PCF11: variants seen among roughly 807,000 people sequenced by gnomAD.
PCF11 encodes pre-mRNA cleavage complex 2 protein Pcf11.
PCF11 carries 19 observed loss-of-function variants against 166.1 expected under a neutral mutation model. That is an observed-to-expected ratio of 0.11 (90% CI 0.08 to 0.17). The LOEUF is 0.17. Ranked by LOEUF, PCF11 falls within the 10% of genes least tolerant of loss-of-function variation. The pLI is 1.00. For missense variants in PCF11, 1,565 were observed against 1,855.5 expected, an observed-to-expected ratio of 0.84 and a Z score of 2.88; for synonymous variants, 663 against 644.1, an observed-to-expected ratio of 1.03 and a Z score of -0.44.
Position 83,166,142 on chromosome 11 carries a change from AGAT to A in PCF11, c.1253_1255del (p.Asp418del), listed in dbSNP as rs780255951. ...ATCTTCAGGATAAGACCGATGGCAAAGATGATGATGTGAAAGAGAAGAGAAAAA... is the reference window on the plus strand; with the variant it reads ...ATCTTCAGGATAAGACCGATGGCAAAGATGATGTGAAAGAGAAGAGAAAAA... On this transcript the variant is annotated inframe_deletion, in exon 5 of 16. Coordinates refer to ENST00000298281, the Ensembl canonical transcript of PCF11. 6.8e-6 allele frequency: 11 copies of A among 1,610,624 alleles called. No individual in the cohort carries two copies. The Admixed American group carries it at 8.4e-5, about 12-fold the overall frequency.
chr11:83,157,175 C>T, exon 1 of PCF11: 2 of 574,242 alleles, frequency 3.5e-6, no homozygotes, highest in South Asian at 2.2e-5. Context: ...GGAGCTGGAG[C>T]CGCCACTGCC....
chr11:83,176,591 AAAAC>A (rs371905100), intron 9 of PCF11, among the ~76,000 whole-genome samples: 31 of 152,276 alleles, frequency 2.0e-4, no homozygotes, highest in African/African-American at 6.0e-4. Flanking sequence ...CAAGGGCAGA[AAAAC>A]AAACACCGCA....
intron 9 of PCF11, among the ~76,000 whole-genome samples, chr11:83,174,247 T>C (rs1590933088): frequency 6.6e-6 from 1 of 152,224 alleles, no homozygotes; most frequent in African/African-American, 2.4e-5. Flanking sequence ...TTTGAAAGTG[T>C]AAACATCCCT....
At chr11:83,185,646 A>G (rs1265681050) in exon 16 of PCF11, 1 of 152,658 alleles carries the variant, frequency 6.6e-6, no homozygotes. Flanking sequence ...GATTTAATGC[A>G]GATGAACATA....
rs1341194856 is a variant in PCF11 at position 83,165,630 on chromosome 11, T to C, written c.733T>C (p.Ser245Pro). The C allele has an allele frequency of 6.2e-7, 1 of 1,612,484 alleles. No individual in the cohort carries two copies. The change falls in exon 5 of 16, where the codon TCC (serine) becomes CCC (proline). Residue 245 changes from serine to proline, a missense_variant. This residue lies in a region of PCF11 where 468 missense variants were observed against 483.4 expected (regional missense o/e 0.97). Coordinates refer to ENST00000298281, the Ensembl canonical transcript of PCF11. The stretch of plus-strand genomic sequence containing the variant: ...TTCTCTTAGTGTTCAGCAGGAAACA[T>C]CCAATTTAGGTCCTGGATCTGCACC...
At chr11:83,157,140 A>T (rs1199822099) in exon 1 of PCF11, 2 of 551,452 alleles carry the variant, frequency 3.6e-6, no homozygotes, top group African/African-American at 1.9e-5. Flanking sequence ...CGCACGACGC[A>T]GCGGTTGGGA....
At chr11:83,166,081 C>T (rs752576988) in exon 5 of PCF11, 2 of 1,610,256 alleles carry the variant, frequency 1.2e-6, no homozygotes, top group Admixed American at 1.7e-5. Context: ...ATGAGGTTGT[C>T]TGATATGAAC....
exon 16 of PCF11, chr11:83,187,029 A>C (rs1437992191): frequency 3.3e-5 from 5 of 152,328 alleles, no homozygotes; most frequent in Admixed American, 3.3e-4. Flanking sequence ...AGCAATGGGA[A>C]AATTTTTTTT....
At chr11:83,157,251 G>A (rs1860023292) in exon 1 of PCF11, 1 of 597,136 alleles carries the variant, frequency 1.7e-6, no homozygotes. Context: ...GAGATCACCC[G>A]CGAGACGGCG....
At chr11:83,166,199 C>T (rs763982156) in exon 5 of PCF11, 1 of 1,612,446 alleles carries the variant, frequency 6.2e-7, no homozygotes, top group Non-Finnish European at 8.5e-7. Flanking sequence ...AAGATGAGCA[C>T]ATGAAGTCAT....
chr11:83,182,256 A>C (rs1409784961), intron 13 of PCF11, 143 bp from the exon 14 acceptor site: 1 of 580,438 alleles, frequency 1.7e-6, no homozygotes, highest in Non-Finnish European at 3.0e-6. Flanking sequence ...TGTATTTTGA[A>C]TCATACTGTA....
At chr11:83,176,093 T>C (rs1860869209) in intron 9 of PCF11, among the ~76,000 whole-genome samples, 1 of 152,194 alleles carries the variant, frequency 6.6e-6, no homozygotes, top group African/African-American at 2.4e-5. Flanking sequence ...TAAGGGGTAA[T>C]AAACTATTTC....
chr11:83,178,386 T>C (rs1393921112), intron 11 of PCF11, among the ~76,000 whole-genome samples: 1 of 152,156 alleles, frequency 6.6e-6, no homozygotes, highest in Non-Finnish European at 1.5e-5. Context: ...TAGGTATTGA[T>C]AATTCATGTA....
exon 16 of PCF11, chr11:83,187,378 A>G (rs1861329122): frequency 6.6e-6 from 1 of 151,888 alleles, no homozygotes; most frequent in African/African-American, 2.4e-5. Flanking sequence ...GTAGTCAACA[A>G]AATGAAGTCA....
intron 5 of PCF11, among the ~76,000 whole-genome samples, 171 bp from the exon 6 acceptor site, chr11:83,166,954 A>G (rs1860485486): frequency 6.6e-6 from 1 of 152,186 alleles, no homozygotes; most frequent in African/African-American, 2.4e-5. Flanking sequence ...ATCAGAATTC[A>G]TATCTGTTTT....
At chr11:83,178,072 AC>A (rs755792127) in intron 11 of PCF11, among the ~76,000 whole-genome samples, 1 of 151,884 alleles carries the variant, frequency 6.6e-6, no homozygotes, top group African/African-American at 2.4e-5. Flanking sequence ...CAAAAGTCTT[AC>A]TCTGCTGCCC....
rs141352549 is a variant in PCF11 at position 83,182,724 on chromosome 11, C to G, written c.4416+233C>G. On this transcript the variant is annotated intron_variant, in intron 14 of 15. Coordinates refer to ENST00000298281, the Ensembl canonical transcript of PCF11. ...CTATTAGTCAGTGACAGACCCAGGA[C>G]TAGGTCTTCTGAATCTAGTTAGTCG... Among the ~76,000 whole-genome samples, 1,734 of 152,254 alleles carry G rather than the reference C, an allele frequency of 0.011. 26 individuals are homozygous for G. The highest frequency in any genetic ancestry group is 0.037 in the African/African-American group (1,540 of 41,534).
chr11:83,181,613 A>AT (rs1170524589), intron 12 of PCF11, among the ~76,000 whole-genome samples: 16 of 151,864 alleles, frequency 1.1e-4, no homozygotes, highest in African/African-American at 3.9e-4. Context: ...TAAAAAAAAA[A>AT]ATATACTTGA....
intron 13 of PCF11, 95 bp downstream of exon 13, chr11:83,182,104 G>C: frequency 1.0e-6 from 1 of 1,001,630 alleles, no homozygotes; most frequent in East Asian, 2.8e-5. Context: ...TTATATCCCT[G>C]TTTTAATGAT....
Sources: allele counts gnomAD v4.1 joint callset (sites outside exome capture counted in the v4.1 genomes callset), GRCh38; gene constraint gnomAD v4.1.1; regional missense constraint gnomAD v4.1.1; transcripts MANE v1.5; gene names NCBI Gene and HGNC (gene_info 2026-07-23, HGNC 2026-07-21).